Variants in CDIN1 observed in about 807,000 individuals in gnomAD.
CDIN1 encodes CDAN1 interacting nuclease 1, also known as CDAN1-interacting nuclease 1.
CDIN1 carries 33 observed loss-of-function variants against 45.3 expected under a neutral mutation model. That is an observed-to-expected ratio of 0.73 (90% CI 0.55 to 0.97). CDIN1 has a LOEUF of 0.97. Among genes scored for constraint, CDIN1 ranks in the 50% least tolerant of loss-of-function variants. The probability of loss-of-function intolerance (pLI) is 0.00; values close to 1 mark genes in which losing one functional copy is unlikely to be tolerated. For synonymous variants in CDIN1, 118 were observed against 124.4 expected (o/e 0.95, Z 0.34); for missense variants, 303 against 339.4 (o/e 0.89, Z 0.84).
At chr15:36,690,814 C>T (rs1253479431) in intron 5 of CDIN1, among the ~76,000 whole-genome samples, 1 of 152,124 alleles carries the variant, frequency 6.6e-6, no homozygotes, top group Non-Finnish European at 1.5e-5. Context: ...CGTGACTTAG[C>T]TTCAGCCTAG....
intron 1 of CDIN1, among the ~76,000 whole-genome samples, chr15:36,637,696 T>C (rs769213937): frequency 5.3e-5 from 8 of 152,198 alleles, no homozygotes; most frequent in African/African-American, 7.2e-5. Context: ...TATTCAACAA[T>C]AGAATAGATA....
chr15:36,789,165 G>A (rs1407783750), intron 10 of CDIN1, among the ~76,000 whole-genome samples: 1 of 152,178 alleles, frequency 6.6e-6, no homozygotes, highest in African/African-American at 2.4e-5. Context: ...GGTTGGACAA[G>A]CTTGCTCTAG....
intron 1 of CDIN1, among the ~76,000 whole-genome samples, chr15:36,639,484 G>C (rs909365615): frequency 2.6e-5 from 4 of 151,968 alleles, no homozygotes; most frequent in Admixed American, 6.6e-5. Context: ...AGCTATTCTG[G>C]AGGCTGAGAC....
At chr15:36,620,038 G>C (rs192496057) in intron 1 of CDIN1, among the ~76,000 whole-genome samples, 22 of 152,076 alleles carry the variant, frequency 1.4e-4, no homozygotes, top group Non-Finnish European at 7.4e-5. Context: ...CTCAAGGAAA[G>C]AATGGGGTTT....
chr15:36,715,928 G>A (rs545050646), intron 10 of CDIN1, among the ~76,000 whole-genome samples: 2 of 152,254 alleles, frequency 1.3e-5, no homozygotes, highest in Non-Finnish European at 2.9e-5. Context: ...CATGTTGAAT[G>A]TGAATAACAA....
intron 1 of CDIN1, 146 bp from the exon 2 acceptor site, chr15:36,644,132 G>A (rs1466075103): frequency 2.8e-6 from 2 of 708,278 alleles, no homozygotes; most frequent in African/African-American, 1.8e-5. Context: ...TTTGTTTGAG[G>A]TGTTCATCTG....
intron 8 of CDIN1, chr15:36,702,086 G>A (rs1345003437): frequency 2.8e-6 from 2 of 702,122 alleles, no homozygotes; most frequent in Admixed American, 2.0e-5. Context: ...AGATGTCAGT[G>A]GCAGAGAGTA....
chr15:36,676,981 T>C (rs1472287955), intron 5 of CDIN1, among the ~76,000 whole-genome samples: 1 of 152,148 alleles, frequency 6.6e-6, no homozygotes, highest in Non-Finnish European at 1.5e-5. Flanking sequence ...CCTATACCAG[T>C]GATAAGCAGT....
chr15:36,702,719 A>G (rs1313250689), intron 8 of CDIN1, among the ~76,000 whole-genome samples: 1 of 152,098 alleles, frequency 6.6e-6, no homozygotes, highest in Non-Finnish European at 1.5e-5. Flanking sequence ...GTGTCTCTTA[A>G]TAGGATCCAG....
At chr15:36,793,203 CT>C (rs1009493493) in intron 10 of CDIN1, among the ~76,000 whole-genome samples, 2 of 152,140 alleles carry the variant, frequency 1.3e-5, no homozygotes, top group African/African-American at 4.8e-5. Flanking sequence ...ATACACTCAT[CT>C]TTTTACCTGC....
chr15:36,807,191 C>T (rs948094003), intron 10 of CDIN1, among the ~76,000 whole-genome samples: 1 of 152,184 alleles, frequency 6.6e-6, no homozygotes, highest in African/African-American at 2.4e-5. Flanking sequence ...CATACAGTAT[C>T]TCGCAGCCCA....
chr15:36,589,059 A>G (rs974721267), intron 1 of CDIN1, among the ~76,000 whole-genome samples: 3 of 152,192 alleles, frequency 2.0e-5, no homozygotes, highest in Non-Finnish European at 4.4e-5. Context: ...CTTGTGCAAT[A>G]AGGAGAAATT....
intron 1 of CDIN1, among the ~76,000 whole-genome samples, chr15:36,611,549 G>C (rs1344745656): frequency 1.3e-5 from 2 of 152,128 alleles, no homozygotes; most frequent in Non-Finnish European, 2.9e-5. Flanking sequence ...GTGAATCTAG[G>C]TATACCTGCA....
In CDIN1 at chr15:36,605,655, G is replaced by T. The variant is rs115601563; in HGVS notation, c.101+25694G>T. On this transcript the variant is annotated intron_variant, in intron 1 of 10. Transcript: ENST00000566621. ...TCCCTCAAGAATTTAGAGTGTTGTTGACTGTCCCCATTTACATCAGTGAAG... is the reference window on the plus strand; with the variant it reads ...TCCCTCAAGAATTTAGAGTGTTGTTTACTGTCCCCATTTACATCAGTGAAG... Among the ~76,000 whole-genome samples, 369 of 152,312 alleles carry T rather than the reference G, an allele frequency of 2.4e-3. 3 individuals are homozygous for T. The highest frequency in any genetic ancestry group is 8.3e-3 in the African/African-American group (344 of 41,564).
intron 8 of CDIN1, chr15:36,707,734 A>G (rs2042920421): frequency 6.6e-6 from 1 of 152,196 alleles, no homozygotes; most frequent in Non-Finnish European, 1.5e-5. Context: ...ACTGTTCATC[A>G]GCTACCGGAA....
chr15:36,739,454 A>G (rs1051193064), intron 10 of CDIN1, among the ~76,000 whole-genome samples: 1 of 152,168 alleles, frequency 6.6e-6, no homozygotes, highest in Non-Finnish European at 1.5e-5. Context: ...AAAACAAAGA[A>G]AAGACAGGCT....
At chr15:36,591,065 G>A (rs1399727890) in intron 1 of CDIN1, among the ~76,000 whole-genome samples, 2 of 152,180 alleles carry the variant, frequency 1.3e-5, no homozygotes, top group East Asian at 1.9e-4. Flanking sequence ...AAATTTTGTG[G>A]TTGGACATTC....
chr15:36,752,676 GT>G (rs1332513804), intron 10 of CDIN1, among the ~76,000 whole-genome samples: 2 of 152,168 alleles, frequency 1.3e-5, no homozygotes, highest in African/African-American at 4.8e-5. Context: ...TCTTGAAACA[GT>G]TGCTACAGGT....
At chr15:36,656,737 T>G (rs1451001615) in intron 4 of CDIN1, among the ~76,000 whole-genome samples, 1 of 152,162 alleles carries the variant, frequency 6.6e-6, no homozygotes, top group African/African-American at 2.4e-5. Context: ...AATAAGCAGC[T>G]TCGTGGAAAG....
Sources: allele counts gnomAD v4.1 joint callset (sites outside exome capture counted in the v4.1 genomes callset), GRCh38; gene constraint gnomAD v4.1.1; transcripts MANE v1.5; gene names NCBI Gene and HGNC (gene_info 2026-07-23, HGNC 2026-07-21).